SLC18A1: variants seen among roughly 807,000 people sequenced by gnomAD.
The protein encoded by SLC18A1 is solute carrier family 18 member A1, also known as chromaffin granule amine transporter.
In SLC18A1, 69 loss-of-function variants were observed where a neutral mutation model predicts 53.7. That is an observed-to-expected ratio of 1.28 (90% CI 1.06 to 1.57). The LOEUF (loss-of-function observed/expected upper bound fraction) is 1.57, where lower values mean the gene tolerates loss of function less well. SLC18A1 is among the 40% of genes most tolerant of loss of function. The pLI, the probability that SLC18A1 is intolerant of heterozygous loss-of-function variation, is 0.00. For synonymous variants in SLC18A1, 320 were observed against 248.1 expected, an observed-to-expected ratio of 1.29 and a Z score of -2.72; for missense variants, 932 against 668.1, an observed-to-expected ratio of 1.40 and a Z score of -4.35.
chr8:20,149,599 TC>T, intron 12 of SLC18A1, 76 bp downstream of exon 12: 2 of 1,153,090 alleles, frequency 1.7e-6, no homozygotes, highest in Non-Finnish European at 2.6e-6. Flanking sequence ...CCTCTCTCTC[TC>T]TCTCTCTCTC....
Position 20,147,605 on chromosome 8 carries a change from A to G in SLC18A1, c.1328T>C (p.Ile443Thr). Reference sequence around the variant, plus strand: ...GGCACCAGGTCCTGCCAACATACCTATAGCAAAGCCCATGCAAAAAGCCAC... The same window carrying G: ...GGCACCAGGTCCTGCCAACATACCTGTAGCAAAGCCCATGCAAAAAGCCAC... ...ADVAFCMGFA[I>T]GPSTGGAIVK... The change falls in exon 14 of 16, where the codon ATA (isoleucine) becomes ACA (threonine). Residue 443 changes from isoleucine to threonine, a missense_variant and splice_region_variant. Coordinates refer to ENST00000276373, the MANE Select transcript of SLC18A1 (RefSeq NM_003053.4). 1 of 1,614,130 alleles carries G rather than the reference A, an allele frequency of 6.2e-7. No homozygotes were observed. Among genetic ancestry groups the G allele is most frequent in the Non-Finnish European group, 8.5e-7 (1 of 1,180,010 alleles).
At chr8:20,180,729 G>T in intron 2 of SLC18A1, 112 bp downstream of exon 2, 2 of 1,368,522 alleles carry the variant, frequency 1.5e-6, no homozygotes, top group Non-Finnish European at 1.0e-6. Flanking sequence ...GTGTTTTTGA[G>T]CATAAAAAGG....
intron 10 of SLC18A1, among the ~76,000 whole-genome samples, chr8:20,160,856 G>A (rs370933925): frequency 1.3e-5 from 2 of 152,106 alleles, no homozygotes; most frequent in African/African-American, 2.4e-5. Context: ...ACAGCCGAAG[G>A]GTATCACATG....
At chr8:20,170,407 T>G (rs1388088401) in intron 8 of SLC18A1, among the ~76,000 whole-genome samples, 1 of 152,152 alleles carries the variant, frequency 6.6e-6, no homozygotes, top group Non-Finnish European at 1.5e-5. Context: ...CCCTGAAGAA[T>G]GATGAGGTGT....
intron 4 of SLC18A1, 31 bp downstream of exon 4, chr8:20,178,404 A>G: frequency 6.4e-7 from 1 of 1,573,200 alleles, no homozygotes; most frequent in Non-Finnish European, 8.7e-7. Context: ...GTAATCAGTG[A>G]AGGGAAGAAA....
intron 15 of SLC18A1, 44 bp from the exon 16 acceptor site, chr8:20,145,920 A>ATTTT: frequency 1.5e-5 from 14 of 938,712 alleles, no homozygotes; most frequent in South Asian, 7.7e-5. Context: ...CATTATTATC[A>ATTTT]TTTTTTTTTT....
At chr8:20,160,028 G>A (rs2071783327) in intron 10 of SLC18A1, among the ~76,000 whole-genome samples, 1 of 151,810 alleles carries the variant, frequency 6.6e-6, no homozygotes, top group East Asian at 1.9e-4. Flanking sequence ...AACAGTGCAG[G>A]CTAACAAAAA....
At position 20,181,042 on chromosome 8, in the gene SLC18A1, C is replaced by T; in HGVS notation, c.-78G>A. 4 of 1,493,920 alleles carry T rather than the reference C, an allele frequency of 2.7e-6. No homozygotes were observed. Among genetic ancestry groups the T allele is most frequent in the Admixed American group, 4.3e-5 (2 of 46,478 alleles). The allele number at this position is 1,493,920 out of a possible 1,614,324, so 92.5% of individuals were successfully genotyped here. On this transcript the variant is annotated 5_prime_UTR_variant, in exon 2 of 16. Transcript: ENST00000276373. ...TGTGACAGCTACAGGTCTCCTGCAG[C>T]CTTTATGGAAGAGGGGAGGGAGTCT...
At chr8:20,180,694 T>G in intron 2 of SLC18A1, 147 bp downstream of exon 2, 1 of 1,006,224 alleles carries the variant, frequency 9.9e-7, no homozygotes, top group Non-Finnish European at 1.4e-6. Flanking sequence ...TGCAGGGCTT[T>G]TTTCCAGTCC....
In SLC18A1 at chr8:20,146,174, T is replaced by C. The variant is rs531871985; in HGVS notation, c.1465-298A>G. On this transcript the variant is annotated intron_variant, in intron 15 of 15. Transcript: ENST00000276373. Reference sequence around the variant, plus strand: ...TCGTGATGCGCCCGCCTCAGCCTCCTAAAGTGCTGGGATTACAGGCGTGAG... The same window carrying C: ...TCGTGATGCGCCCGCCTCAGCCTCCCAAAGTGCTGGGATTACAGGCGTGAG... 7.9e-5 allele frequency among the ~76,000 whole-genome samples: 12 copies of C among 152,170 alleles called. No individual in the cohort carries two copies. The East Asian group carries it at 2.3e-3, about 30-fold the overall frequency.
chr8:20,168,596 T>C (rs1380965563), intron 8 of SLC18A1, among the ~76,000 whole-genome samples: 1 of 152,128 alleles, frequency 6.6e-6, no homozygotes, highest in East Asian at 1.9e-4. Flanking sequence ...AGTATTTTTT[T>C]TGAGACAGAG....
chr8:20,151,468 G>T (rs906384657), intron 10 of SLC18A1, among the ~76,000 whole-genome samples: 3 of 152,126 alleles, frequency 2.0e-5, no homozygotes, highest in African/African-American at 4.8e-5. Flanking sequence ...TTCCTGCCTT[G>T]CTACTTACCA....
intron 10 of SLC18A1, among the ~76,000 whole-genome samples, chr8:20,157,403 G>T (rs554580832): frequency 1.3e-4 from 20 of 152,310 alleles, no homozygotes; most frequent in Admixed American, 9.2e-4. Context: ...CAGGCCAGTA[G>T]GCAGTTCCTA....
chr8:20,180,439 T>A (rs1304816963), intron 2 of SLC18A1, among the ~76,000 whole-genome samples: 13 of 152,064 alleles, frequency 8.5e-5, no homozygotes, highest in Admixed American at 8.5e-4. Flanking sequence ...AAATCAGATA[T>A]CCAAATAAAA....
chr8:20,154,777 G>A (rs975858830), intron 10 of SLC18A1, among the ~76,000 whole-genome samples: 2 of 152,102 alleles, frequency 1.3e-5, no homozygotes, highest in African/African-American at 4.8e-5. Context: ...ATTAGATCTT[G>A]CAACTGTACA....
At position 20,180,981 on chromosome 8, in the gene SLC18A1, G is replaced by C. The variant is rs980898268; in HGVS notation, c.-17C>G. On this transcript the variant is annotated 5_prime_UTR_variant, in exon 2 of 16. Coordinates refer to ENST00000276373, the MANE Select transcript of SLC18A1 (RefSeq NM_003053.4). ...CCGGAGCATGGTGATGGCCGGACTG[G>C]GGCAGTCTTCCCCTGCGGGCTCTTA... 1 of 1,560,614 alleles carries C rather than the reference G, an allele frequency of 6.4e-7. No individual in the cohort carries two copies. The highest frequency in any genetic ancestry group is 8.7e-7 in the Non-Finnish European group (1 of 1,152,466).
chr8:20,152,565 T>C (rs1395726392), intron 10 of SLC18A1, among the ~76,000 whole-genome samples: 1 of 151,984 alleles, frequency 6.6e-6, no homozygotes, highest in Non-Finnish European at 1.5e-5. Context: ...CTTAATCGAT[T>C]GGGTAGCTGG....
Position 20,147,357 on chromosome 8 carries a change from G to A in SLC18A1, c.1365C>T (p.Ile455=), listed in dbSNP as rs17215773. The change falls in exon 15 of 16, where the codon ATC becomes ATT. Residue 455 remains isoleucine, a synonymous_variant. Coordinates refer to ENST00000276373, the MANE Select transcript of SLC18A1 (RefSeq NM_003053.4). ...PSTGGAIVKA[I]GFPWLMVITG... is the part of the protein sequence containing the mutation. ...TGATGACCATGAGCCAGGGAAAACC[G>A]ATGGCCTTTACAATGGCACCACCGG... 5.6e-5 allele frequency: 90 copies of A among 1,612,902 alleles called. No homozygotes were observed. Among genetic ancestry groups the A allele is most frequent in the Non-Finnish European group, 6.7e-5 (79 of 1,179,774 alleles).
intron 10 of SLC18A1, among the ~76,000 whole-genome samples, chr8:20,157,565 T>C (rs2071714577): frequency 1.3e-5 from 2 of 152,110 alleles, no homozygotes; most frequent in African/African-American, 4.8e-5. Flanking sequence ...AGGAAGAAAA[T>C]CCTACTGCCT....
Sources: gnomAD v4.1 joint callset for allele counts (sites outside exome capture counted in the v4.1 genomes callset) on GRCh38, gnomAD v4.1.1 for gene constraint, MANE v1.5 for transcripts, NCBI Gene and HGNC (gene_info 2026-07-23, HGNC 2026-07-21) for gene names.